The following PKIA variants were observed in gnomAD, a reference collection of about 807,000 sequenced individuals.
The protein encoded by PKIA is cAMP-dependent protein kinase inhibitor alpha, also known as PKI-alpha.
In PKIA, 4 loss-of-function variants were observed where a neutral mutation model predicts 7.6. The ratio of observed to expected loss-of-function variants is 0.52; its 90% CI spans 0.26 to 1.20. PKIA has a LOEUF of 1.20. Ranked by LOEUF, PKIA falls within the 50% of genes most tolerant of loss-of-function variation. The pLI is 0.13. For synonymous variants in PKIA, 21 were observed against 30.7 expected, an observed-to-expected ratio of 0.68 and a Z score of 1.04; for missense variants, 73 against 86.2, an observed-to-expected ratio of 0.85 and a Z score of 0.61.
intron 1 of PKIA, among the ~76,000 whole-genome samples, chr8:78,521,740 C>T (rs972115233): frequency 6.6e-6 from 1 of 151,674 alleles, no homozygotes; most frequent in African/African-American, 2.4e-5. Flanking sequence ...ATATACGTAA[C>T]ATTTACTATT....
intron 1 of PKIA, among the ~76,000 whole-genome samples, chr8:78,537,641 G>A (rs1364323979): frequency 7.3e-6 from 1 of 137,664 alleles, no homozygotes; most frequent in Admixed American, 8.1e-5. Context: ...TCAGGGTCTT[G>A]GCTTTTTATT....
intron 3 of PKIA, among the ~76,000 whole-genome samples, chr8:78,600,368 A>G (rs1808324947): frequency 6.6e-6 from 1 of 151,972 alleles, no homozygotes. Context: ...GTTTACCTTT[A>G]TTTGTTAACA....
intron 1 of PKIA, among the ~76,000 whole-genome samples, chr8:78,524,981 T>C (rs1032886393): frequency 6.6e-6 from 1 of 151,870 alleles, no homozygotes; most frequent in African/African-American, 2.4e-5. Flanking sequence ...CACAAGCTCA[T>C]TGTGATTGCT....
chr8:78,577,117 T>A (rs182282095), intron 2 of PKIA, among the ~76,000 whole-genome samples: 65 of 152,172 alleles, frequency 4.3e-4, no homozygotes, highest in South Asian at 1.7e-3. Flanking sequence ...CACTTTTTTT[T>A]AATTATACTT....
At chr8:78,599,743 C>T (rs1427698444) in intron 3 of PKIA, among the ~76,000 whole-genome samples, 4 of 151,932 alleles carry the variant, frequency 2.6e-5, no homozygotes, top group Non-Finnish European at 5.9e-5. Context: ...ATTTTTGCTG[C>T]AGTCTTGCAT....
intron 1 of PKIA, among the ~76,000 whole-genome samples, chr8:78,521,713 AT>A (rs530305496): frequency 5.0e-4 from 76 of 151,836 alleles, no homozygotes; most frequent in African/African-American, 1.7e-3. Flanking sequence ...TATAATTAAA[AT>A]TTTTTTTCTG....
intron 1 of PKIA, among the ~76,000 whole-genome samples, chr8:78,567,554 G>A (rs188181799): frequency 3.3e-5 from 5 of 151,718 alleles, no homozygotes; most frequent in Admixed American, 3.3e-4. Context: ...CACTGCTGAT[G>A]TCAACCTTGA....
intron 1 of PKIA, among the ~76,000 whole-genome samples, chr8:78,566,220 A>G (rs1807409327): frequency 6.6e-6 from 1 of 152,102 alleles, no homozygotes; most frequent in Non-Finnish European, 1.5e-5. Context: ...CATATTTGGT[A>G]CCAACAAAAA....
At chr8:78,599,888 A>C (rs755744804) in intron 3 of PKIA, among the ~76,000 whole-genome samples, 1 of 151,252 alleles carries the variant, frequency 6.6e-6, no homozygotes, top group Non-Finnish European at 1.5e-5. Context: ...CCTGAAGTTG[A>C]GAATTGTTAG....
intron 1 of PKIA, 117 bp from the exon 2 acceptor site, chr8:78,572,694 G>A (rs1807582060): frequency 6.6e-6 from 1 of 151,978 alleles, no homozygotes. Context: ...AACCACGAAA[G>A]TTCCTGAAGT....
At position 78,589,760 on chromosome 8, in the gene PKIA, T is replaced by A. The variant is rs551542057; in HGVS notation, c.-27-8598T>A. The stretch of plus-strand genomic sequence containing the variant: ...CTTGATGAAGCAGTAAAAAAAAAAA[T>A]TCATTTTCTTGAATCTCGACCTTTG... On this transcript the variant is annotated intron_variant, in intron 2 of 3. Transcript: ENST00000396418. 1.6e-3 allele frequency among the ~76,000 whole-genome samples: 237 copies of A among 152,102 alleles called. 2 individuals are homozygous for A. The highest frequency in any genetic ancestry group is 2.9e-3 in the Non-Finnish European group (197 of 67,984).
chr8:78,602,179 A>C lies in PKIA; in HGVS notation c.*358A>C. On this transcript the variant is annotated 3_prime_UTR_variant, in exon 4 of 4. Coordinates refer to ENST00000396418, the MANE Select transcript of PKIA (RefSeq NM_006823.4). ...AATGTCAGAGGATTTAATTGTGTCTAATTGCGAAGGGTTGATTGAACCCCA... is the reference window on the plus strand; with the variant it reads ...AATGTCAGAGGATTTAATTGTGTCTCATTGCGAAGGGTTGATTGAACCCCA... 1 of 215,374 alleles carries C rather than the reference A, an allele frequency of 4.6e-6. No individual in the cohort carries two copies. The highest frequency in any genetic ancestry group is 1.7e-3 in the Middle Eastern group (1 of 578). The allele number at this position is 215,374 out of a possible 1,614,324, so 13.3% of individuals were successfully genotyped here. A position where few individuals can be genotyped will look rare whatever the true frequency, so the allele number is the denominator to read the frequency against.
intron 2 of PKIA, among the ~76,000 whole-genome samples, chr8:78,598,111 T>C (rs938500458): frequency 7.4e-5 from 11 of 148,038 alleles, no homozygotes; most frequent in African/African-American, 2.5e-4. Context: ...TTACATTTAA[T>C]ATTAATATAT....
intron 1 of PKIA, among the ~76,000 whole-genome samples, chr8:78,522,299 G>C (rs183691480): frequency 1.3e-5 from 2 of 152,016 alleles, no homozygotes; most frequent in Non-Finnish European, 2.9e-5. Context: ...GTGACTTCAA[G>C]TTATGTGGTA....
rs990714928 is a variant in PKIA, at chr8:78,603,513, A to G, written c.*1692A>G. 6.6e-5 allele frequency: 10 copies of G among 151,982 alleles called. No homozygotes were observed. Among genetic ancestry groups the G allele is most frequent in the African/African-American group, 2.4e-4 (10 of 41,416 alleles). The allele number at this position is 151,982 out of a possible 1,614,324, so 9.4% of individuals were successfully genotyped here. On this transcript the variant is annotated 3_prime_UTR_variant, in exon 4 of 4. Coordinates refer to ENST00000396418, the MANE Select transcript of PKIA (RefSeq NM_006823.4). The stretch of plus-strand genomic sequence containing the variant: ...GATATTACTAGAAAAAAAATTAATA[A>G]TGTGAGCCTTTCCGAGAGCAGAACG...
At chr8:78,577,868 G>A (rs1434963492) in intron 2 of PKIA, among the ~76,000 whole-genome samples, 2 of 151,938 alleles carry the variant, frequency 1.3e-5, no homozygotes, top group African/African-American at 4.8e-5. Context: ...ATATAAACAT[G>A]TATAAATAAA....
chr8:78,593,156 T>C (rs540465204), intron 2 of PKIA, among the ~76,000 whole-genome samples: 23 of 152,340 alleles, frequency 1.5e-4, no homozygotes, highest in Admixed American at 5.2e-4. Context: ...GGAGTCTTGC[T>C]CTGTCACCCA....
intron 1 of PKIA, among the ~76,000 whole-genome samples, chr8:78,564,164 C>A (rs769636677): frequency 1.3e-5 from 2 of 150,902 alleles, no homozygotes; most frequent in African/African-American, 2.4e-5. Flanking sequence ...AGTGGGGAAG[C>A]CTTATTTAAA....
intron 1 of PKIA, among the ~76,000 whole-genome samples, chr8:78,550,333 A>T (rs1365895475): frequency 1.3e-5 from 2 of 152,134 alleles, no homozygotes; most frequent in East Asian, 3.8e-4. Context: ...TTACATTTCA[A>T]AAAGATGGTT....
Sources: gnomAD v4.1 joint callset for allele counts (sites outside exome capture counted in the v4.1 genomes callset) on GRCh38, gnomAD v4.1.1 for gene constraint, MANE v1.5 for transcripts, NCBI Gene and HGNC (gene_info 2026-07-23, HGNC 2026-07-21) for gene names.